Variants in ITGA2 observed in about 807,000 individuals in gnomAD.
ITGA2 encodes the protein integrin subunit alpha 2.
ITGA2 carries 101 observed loss-of-function variants against 146.3 expected under a neutral mutation model. That is an observed-to-expected ratio of 0.69 (90% CI 0.59 to 0.81). ITGA2 has a LOEUF of 0.81. Ranked by LOEUF, ITGA2 falls within the 40% of genes least tolerant of loss-of-function variation. ITGA2 has a pLI of 0.00. For synonymous variants in ITGA2, 477 were observed against 487.1 expected (o/e 0.98, Z 0.27); for missense variants, 1,281 against 1,402.7 (o/e 0.91, Z 1.39).
chr5:53,014,531 G>C, intron 1 of ITGA2, among the ~76,000 whole-genome samples: 1 of 152,126 alleles, frequency 6.6e-6, no homozygotes, highest in South Asian at 2.1e-4. Flanking sequence ...TTGCATCTAT[G>C]TTCATCAGGG....
intron 14 of ITGA2, 180 bp from the exon 15 acceptor site, chr5:53,065,661 A>C: frequency 2.7e-6 from 2 of 728,398 alleles, no homozygotes; most frequent in Non-Finnish European, 4.5e-6. Flanking sequence ...ATGTGGCTGT[A>C]AGAGTGATGC....
intron 1 of ITGA2, among the ~76,000 whole-genome samples, chr5:52,999,552 T>G (rs567031057): frequency 6.6e-6 from 1 of 152,164 alleles, no homozygotes; most frequent in East Asian, 1.9e-4. Flanking sequence ...GTTGATACCC[T>G]TTGCCCACCA....
At position 53,073,144 on chromosome 5, in the gene ITGA2, A is replaced by G. The variant is rs1420027852; in HGVS notation, c.2456A>G (p.Gln819Arg). 1.2e-6 allele frequency: 2 copies of G among 1,612,300 alleles called. No homozygotes were observed. The highest frequency in any genetic ancestry group is 1.7e-6 in the Non-Finnish European group (2 of 1,178,860). ...AQEQPFIVSNQNKRLTFSVTL... is the reference protein window; with the variant it reads ...AQEQPFIVSNRNKRLTFSVTL... ...GAACAACCCTTTATTGTCAGCAACC[A>G]AAACAAAAGGTTAACATTTTCAGTA... The change falls in exon 20 of 30, where the codon CAA (glutamine) becomes CGA (arginine). Residue 819 changes from glutamine to arginine, a missense_variant. This residue lies in a region of ITGA2 where 475 missense variants were observed against 530.5 expected (regional missense o/e 0.90). Transcript: ENST00000296585.
At position 53,090,781 on chromosome 5, in the gene ITGA2, T is replaced by TGGGG; in HGVS notation, c.*183_*184insGGGG. ...AAGAAATTGTGGGGGGTGGGGGAGG[T>TGGGG]GCGGGGGGCAGGTAGGGAAATAATA... On this transcript the variant is annotated 3_prime_UTR_variant, in exon 30 of 30. Coordinates refer to ENST00000296585, the MANE Select transcript of ITGA2 (RefSeq NM_002203.4). 6.3e-6 allele frequency: 1 copy of TGGGG among 158,314 alleles called. No individual in the cohort carries two copies. The highest frequency in any genetic ancestry group is 1.1e-4 in the South Asian group (1 of 9,082). The allele number at this position is 158,314 out of a possible 1,614,324, so 9.8% of individuals were successfully genotyped here.
At chr5:53,011,375 C>A (rs1742116471) in intron 1 of ITGA2, among the ~76,000 whole-genome samples, 1 of 152,094 alleles carries the variant, frequency 6.6e-6, no homozygotes, top group Admixed American at 6.6e-5. Flanking sequence ...GTGGTGAGAT[C>A]AGAGGCAAGC....
Position 53,080,571 on chromosome 5 carries a change from A to C in ITGA2, c.2989A>C (p.Thr997Pro). The part of the protein sequence containing the change: ...ATVIIHIPQY[T>P]KEKNPLMYLT... ...TGTAATCATCCACATCCCTCAGTAT[A>C]CCAAAGAAAAGAACCCACTGATGTA... is the stretch of plus-strand genomic sequence containing the variant. The change falls in exon 25 of 30, where the codon ACC becomes CCC. Residue 997 changes from threonine (T) to proline (P), a missense_variant. By Grantham distance (38) the Thr-to-Pro change is conservative. Around this residue, in one of 3 missense-constraint regions of ITGA2, gnomAD observed 475 missense variants for 530.5 expected, o/e 0.90. Transcript: ENST00000296585. The C allele has an allele frequency of 6.2e-7, 1 of 1,613,748 alleles. No homozygotes were observed. The highest frequency in any genetic ancestry group is 8.5e-7 in the Non-Finnish European group (1 of 1,179,756).
chr5:53,027,388 C>G (rs1743001207), intron 2 of ITGA2, among the ~76,000 whole-genome samples: 1 of 152,154 alleles, frequency 6.6e-6, no homozygotes, highest in Non-Finnish European at 1.5e-5. Context: ...ACAAAGGTGG[C>G]TTTCTCTAGC....
chr5:53,066,952 T>C (rs982144182), intron 15 of ITGA2, among the ~76,000 whole-genome samples, 166 bp from the exon 16 acceptor site: 1 of 151,878 alleles, frequency 6.6e-6, no homozygotes, highest in African/African-American at 2.4e-5. Context: ...AAATTATCTC[T>C]GTCTGCCATC....
At chr5:53,016,000 C>A (rs902884206) in intron 1 of ITGA2, among the ~76,000 whole-genome samples, 1 of 152,172 alleles carries the variant, frequency 6.6e-6, no homozygotes, top group African/African-American at 2.4e-5. Flanking sequence ...AGAAGGTTCT[C>A]TTGAAGACAG....
intron 2 of ITGA2, among the ~76,000 whole-genome samples, chr5:53,037,142 TA>T (rs1247916049): frequency 6.6e-5 from 10 of 152,230 alleles, no homozygotes; most frequent in African/African-American, 2.4e-4. Flanking sequence ...TACTGCTTGC[TA>T]ACTAAACAAA....
At chr5:53,030,842 TA>T (rs1258942560) in intron 2 of ITGA2, among the ~76,000 whole-genome samples, 1 of 152,250 alleles carries the variant, frequency 6.6e-6, no homozygotes, top group Non-Finnish European at 1.5e-5. Context: ...CTAGCTATAA[TA>T]ACTTAAGAGC....
intron 11 of ITGA2, 129 bp downstream of exon 11, chr5:53,060,141 A>G: frequency 2.1e-6 from 2 of 960,994 alleles, no homozygotes; most frequent in South Asian, 2.7e-5. Context: ...TATTACACAT[A>G]CATATGTTGT....
At chr5:53,025,934 A>G (rs1169001780) in intron 1 of ITGA2, among the ~76,000 whole-genome samples, 1 of 152,180 alleles carries the variant, frequency 6.6e-6, no homozygotes, top group African/African-American at 2.4e-5. Context: ...CCTTTCCTTC[A>G]TTCCCTTTCC....
intron 1 of ITGA2, among the ~76,000 whole-genome samples, chr5:53,016,630 G>A (rs1329225403): frequency 2.0e-5 from 3 of 152,108 alleles, no homozygotes; most frequent in Non-Finnish European, 4.4e-5. Context: ...AAATGTTGGC[G>A]TCTGCAATGA....
At chr5:53,056,532 G>A (rs1744642932) in intron 9 of ITGA2, among the ~76,000 whole-genome samples, 1 of 151,972 alleles carries the variant, frequency 6.6e-6, no homozygotes, top group East Asian at 1.9e-4. Context: ...TATGACTTTT[G>A]GGGGACAATG....
intron 10 of ITGA2, 131 bp from the exon 11 acceptor site, chr5:53,059,743 C>G: frequency 1.1e-6 from 1 of 875,700 alleles, no homozygotes; most frequent in Non-Finnish European, 1.8e-6. Flanking sequence ...TACAATATGT[C>G]AATATATGTT....
At position 53,080,573 on chromosome 5, in the gene ITGA2, C is replaced by G; in HGVS notation, c.2991C>G (p.Thr997=). 6.2e-7 allele frequency: 1 copy of G among 1,613,586 alleles called. No homozygotes were observed. The highest frequency in any genetic ancestry group is 8.5e-7 in the Non-Finnish European group (1 of 1,179,710). The change falls in exon 25 of 30, where the codon ACC becomes ACG. Residue 997 remains threonine, a synonymous_variant. Coordinates refer to ENST00000296585, the MANE Select transcript of ITGA2 (RefSeq NM_002203.4). ...TAATCATCCACATCCCTCAGTATACCAAAGAAAAGAACCCACTGATGTACC... is the reference window on the plus strand; with the variant it reads ...TAATCATCCACATCCCTCAGTATACGAAAGAAAAGAACCCACTGATGTACC... ...ATVIIHIPQY[T]KEKNPLMYLT... is the part of the protein sequence containing the mutation.
intron 1 of ITGA2, among the ~76,000 whole-genome samples, chr5:53,005,567 C>T (rs553299079): frequency 3.9e-4 from 48 of 122,214 alleles, no homozygotes; most frequent in African/African-American, 1.2e-3. Flanking sequence ...GGCAACAGAG[C>T]GAGACTCTGT....
chr5:52,994,363 C>T (rs1579768400), intron 1 of ITGA2, among the ~76,000 whole-genome samples: 1 of 152,162 alleles, frequency 6.6e-6, no homozygotes, highest in East Asian at 1.9e-4. Context: ...GAGTTACCAT[C>T]CTCTTCTGCA....
Sources: gnomAD v4.1 joint callset for allele counts (sites outside exome capture counted in the v4.1 genomes callset) on GRCh38, gnomAD v4.1.1 for gene constraint, gnomAD v4.1.1 regional missense constraint, MANE v1.5 for transcripts, NCBI Gene and HGNC (gene_info 2026-07-23, HGNC 2026-07-21) for gene names.